The following FAAH2 variants were observed in gnomAD, a reference collection of about 807,000 sequenced individuals.
FAAH2 encodes fatty-acid amide hydrolase 2.
A neutral mutation model predicts 36.9 loss-of-function variants in FAAH2; 60 were observed. That is an observed-to-expected ratio of 1.63 (90% CI 1.32 to 2.02). The LOEUF (loss-of-function observed/expected upper bound fraction) is 2.02. Ranked by LOEUF, FAAH2 falls within the 30% of genes most tolerant of loss-of-function variation. FAAH2 has a pLI of 0.00. For missense variants in FAAH2, 689 were observed against 397.5 expected, an observed-to-expected ratio of 1.73 and a Z score of -6.23; for synonymous variants, 214 against 143.8, an observed-to-expected ratio of 1.49 and a Z score of -3.49.
At chrX:57,324,226 C>T (rs781379196) in intron 3 of FAAH2, among the ~76,000 whole-genome samples, 66 of 111,983 alleles carry the variant, frequency 5.9e-4, no homozygotes, top group African/African-American at 1.6e-3. Flanking sequence ...CAGTACCATG[C>T]TGTTTTGGTT....
chrX:57,162,912 G>A, the FAAH2 span, among the ~76,000 whole-genome samples: 5 of 112,955 alleles, frequency 4.4e-5, no homozygotes, highest in East Asian at 2.8e-4. Context: ...AACGAACTGC[G>A]TTCCTTTGGA....
At chrX:57,166,507 G>T in the FAAH2 span, among the ~76,000 whole-genome samples, 3 of 112,030 alleles carry the variant, frequency 2.7e-5, no homozygotes, top group African/African-American at 9.7e-5. Context: ...GGGCACCAAA[G>T]AAGTAAGACT....
At chrX:57,206,485 G>C in the FAAH2 span, among the ~76,000 whole-genome samples, 6 of 111,839 alleles carry the variant, frequency 5.4e-5, no homozygotes, top group Admixed American at 9.5e-5. Flanking sequence ...GCAGCACAAA[G>C]TATATCATCC....
chrX:57,366,276 T>C (rs1273264970), intron 5 of FAAH2, among the ~76,000 whole-genome samples: 1 of 112,015 alleles, frequency 8.9e-6, no homozygotes, highest in Non-Finnish European at 1.9e-5. Context: ...TTAGGTTTAG[T>C]TGATTGGCAT....
chrX:57,358,114 C>T (rs754039689), intron 5 of FAAH2, among the ~76,000 whole-genome samples: 19 of 109,403 alleles, frequency 1.7e-4, no homozygotes, highest in African/African-American at 6.0e-4. Context: ...TCTTCTTTGC[C>T]TAGTCCCTTG....
chrX:57,235,413 A>T, the FAAH2 span, among the ~76,000 whole-genome samples: 1 of 111,950 alleles, frequency 8.9e-6, no homozygotes, highest in Non-Finnish European at 1.9e-5. Flanking sequence ...TTGCTACAAA[A>T]AGTCCTTTTC....
the FAAH2 span, among the ~76,000 whole-genome samples, chrX:57,226,044 G>T: frequency 1.8e-5 from 2 of 111,953 alleles, no homozygotes; most frequent in Admixed American, 1.9e-4. Flanking sequence ...TGTGTTAGGT[G>T]AGTCTCCTGA....
intron 5 of FAAH2, among the ~76,000 whole-genome samples, chrX:57,344,136 T>A (rs73626266): frequency 0.31 from 33,478 of 108,443 alleles, 4,274 homozygotes; most frequent in Middle Eastern, 0.59. Context: ...TTTTTTTTTT[T>A]AAATTCTGTG....
the FAAH2 span, among the ~76,000 whole-genome samples, chrX:57,205,969 G>A: frequency 8.9e-6 from 1 of 111,954 alleles, no homozygotes; most frequent in South Asian, 3.7e-4. Context: ...TAAGGAGTTA[G>A]AGTCTGTGAA....
At chrX:57,177,818 C>A in the FAAH2 span, among the ~76,000 whole-genome samples, 1 of 108,661 alleles carries the variant, frequency 9.2e-6, no homozygotes, top group Admixed American at 9.9e-5. Flanking sequence ...AGACTTTTCC[C>A]ACTGAGCCTA....
At chrX:57,122,449 G>C in the FAAH2 span, among the ~76,000 whole-genome samples, 1 of 111,732 alleles carries the variant, frequency 8.9e-6, no homozygotes, top group Non-Finnish European at 1.9e-5. Flanking sequence ...CCAGTAATCA[G>C]ATCTATGTAT....
chrX:57,234,511 A>G, the FAAH2 span, among the ~76,000 whole-genome samples: 1 of 111,760 alleles, frequency 8.9e-6, no homozygotes, highest in Non-Finnish European at 1.9e-5. Context: ...TAATTATACA[A>G]TTCACCATAA....
the FAAH2 span, among the ~76,000 whole-genome samples, chrX:57,160,766 C>A: frequency 9.0e-6 from 1 of 111,616 alleles, no homozygotes; most frequent in Non-Finnish European, 1.9e-5. Flanking sequence ...CTTTAATAGT[C>A]TTGCTAATGG....
At chrX:57,402,801 C>A (rs2055470980) in intron 7 of FAAH2, among the ~76,000 whole-genome samples, 1 of 111,958 alleles carries the variant, frequency 8.9e-6, no homozygotes, top group African/African-American at 3.3e-5. Flanking sequence ...TGTTCTGATT[C>A]TGCATCCCTC....
At chrX:57,340,681 G>A (rs1408691449) in intron 4 of FAAH2, among the ~76,000 whole-genome samples, 2 of 111,709 alleles carry the variant, frequency 1.8e-5, no homozygotes, top group Non-Finnish European at 3.8e-5. Context: ...CTCAGTAAAC[G>A]AATGCAGGGA....
intron 7 of FAAH2, among the ~76,000 whole-genome samples, chrX:57,388,110 T>C (rs1180561680): frequency 9.0e-6 from 1 of 111,663 alleles, no homozygotes. Flanking sequence ...ATGAAAACTT[T>C]TGACTCAGGA....
At chrX:57,279,117 G>T in the FAAH2 span, among the ~76,000 whole-genome samples, 1 of 112,184 alleles carries the variant, frequency 8.9e-6, no homozygotes, top group Non-Finnish European at 1.9e-5. Context: ...ATACCCAAAG[G>T]ATTATAAATC....
At chrX:57,176,767 T>G in the FAAH2 span, among the ~76,000 whole-genome samples, 1 of 112,072 alleles carries the variant, frequency 8.9e-6, no homozygotes, top group East Asian at 2.8e-4. Flanking sequence ...AAAGTAATTT[T>G]TCCCCCTTTG....
intron 10 of FAAH2, among the ~76,000 whole-genome samples, chrX:57,482,404 T>C (rs2057396153): frequency 8.9e-6 from 1 of 111,808 alleles, no homozygotes; most frequent in African/African-American, 3.2e-5. Context: ...GGGAATCTTC[T>C]GATCTGCAGA....
Sources: allele counts gnomAD v4.1 joint callset (sites outside exome capture counted in the v4.1 genomes callset), GRCh38; gene constraint gnomAD v4.1.1; transcripts MANE v1.5; gene names NCBI Gene and HGNC (gene_info 2026-07-23, HGNC 2026-07-21).